Variants in ZNF548 observed in about 807,000 individuals in gnomAD.
The protein encoded by ZNF548 is zinc finger protein 548.
A neutral mutation model predicts 10.2 loss-of-function variants in ZNF548; 10 were observed. That is an observed-to-expected ratio of 0.98 (90% CI 0.60 to 1.66). ZNF548 has a LOEUF of 1.66. Ranked by LOEUF, ZNF548 falls within the 40% of genes most tolerant of loss-of-function variation. ZNF548 has a pLI of 0.00. For synonymous variants in ZNF548, 217 were observed against 223.5 expected, an observed-to-expected ratio of 0.97 and a Z score of 0.26; for missense variants, 599 against 657.0, an observed-to-expected ratio of 0.91 and a Z score of 0.97.
chr19:57,393,698 A>AGGG (rs1342044953), intron 1 of ZNF548, among the ~76,000 whole-genome samples: 1 of 19,506 alleles, frequency 5.1e-5, no homozygotes. Context: ...AGGGGAGGGC[A>AGGG]GAGGAGGGGA....
rs2088611002 is a variant in ZNF548, at chr19:57,390,018, C to A, written c.-82C>A. The A allele has an allele frequency of 2.0e-6, 3 of 1,532,266 alleles. No homozygotes were observed. The highest frequency in any genetic ancestry group is 1.8e-5 in the Admixed American group (1 of 55,254). The allele number at this position is 1,532,266 out of a possible 1,614,324, so 94.9% of individuals were successfully genotyped here. ...AGGCGGGAGTGAGTCAACTGACAAG[C>A]GCTGGGGACAGTGGCGTCCTTGTCT... On this transcript the variant is annotated 5_prime_UTR_variant, in exon 1 of 4. Coordinates refer to ENST00000336128, the MANE Select transcript of ZNF548 (RefSeq NM_001172773.2).
At chr19:57,392,398 C>T (rs560388203) in intron 1 of ZNF548, among the ~76,000 whole-genome samples, 9 of 152,188 alleles carry the variant, frequency 5.9e-5, no homozygotes, top group African/African-American at 2.2e-4. Flanking sequence ...CTGAGTTTTC[C>T]TTTAGTATTC....
chr19:57,390,244 C>A, intron 1 of ZNF548, 130 bp downstream of exon 1: 1 of 1,043,708 alleles, frequency 9.6e-7, no homozygotes, highest in Non-Finnish European at 1.4e-6. Context: ...CCCGTATCAG[C>A]CGATTTGATG....
At chr19:57,398,274 C>G in intron 3 of ZNF548, 156 bp from the exon 4 acceptor site, 1 of 1,435,690 alleles carries the variant, frequency 7.0e-7, no homozygotes, top group East Asian at 2.3e-5. Flanking sequence ...CCAGGCCCAG[C>G]CCTGCATAGT....
chr19:57,396,394 G>A (rs1001090888), intron 2 of ZNF548, among the ~76,000 whole-genome samples: 3 of 152,198 alleles, frequency 2.0e-5, no homozygotes, highest in African/African-American at 7.2e-5. Context: ...GGTGGCCAAT[G>A]TCAATATGGA....
intron 2 of ZNF548, among the ~76,000 whole-genome samples, chr19:57,396,114 G>A (rs1482914507): frequency 6.6e-6 from 1 of 152,208 alleles, no homozygotes; most frequent in Non-Finnish European, 1.5e-5. Flanking sequence ...GGAGTTGTCT[G>A]TGGAATTGAC....
At chr19:57,394,918 G>A (rs951507015) in intron 2 of ZNF548, among the ~76,000 whole-genome samples, 2 of 152,132 alleles carry the variant, frequency 1.3e-5, no homozygotes, top group African/African-American at 4.8e-5. Flanking sequence ...TGCTCCATCA[G>A]CTAAGATGGG....
rs2123041132 is a variant in ZNF548, at chr19:57,395,177, A to G, written c.51+954A>G. Among the ~76,000 whole-genome samples the G allele has an allele frequency of 6.6e-6, 1 of 152,056 alleles. No individual in the cohort carries two copies. Among genetic ancestry groups the G allele is most frequent in the South Asian group, 2.1e-4 (1 of 4,822 alleles). On this transcript the variant is annotated intron_variant, in intron 2 of 3. Transcript: ENST00000336128. This position sits in a 1 kb window ranked among gnomAD's most constrained non-coding sequence, Gnocchi z 4.8. ...ATGAGAACTGGGTCTCTTACTGGGT[A>G]GCTGTGCAGTGGTGGAGGAGTCACT...
intron 1 of ZNF548, 26 bp downstream of exon 1, chr19:57,390,140 C>A (rs764833799): frequency 6.2e-7 from 1 of 1,605,670 alleles, no homozygotes; most frequent in Non-Finnish European, 8.5e-7. Flanking sequence ...CAGGCTCCCC[C>A]GCCCGACCGG....
chr19:57,393,534 C>T (rs576799463), intron 1 of ZNF548, among the ~76,000 whole-genome samples: 1 of 151,758 alleles, frequency 6.6e-6, no homozygotes, highest in East Asian at 2.0e-4. Flanking sequence ...GTGGCGCATG[C>T]CTGTAATCCC....
chr19:57,398,465 T>C lies in ZNF548; in HGVS notation c.214T>C (p.Ser72Pro). 1 of 1,614,076 alleles carries C rather than the reference T, an allele frequency of 6.2e-7. No individual in the cohort carries two copies. The highest frequency in any genetic ancestry group is 8.5e-7 in the Non-Finnish European group (1 of 1,179,930). The change falls in exon 4 of 4, where the codon TCA (serine) becomes CCA (proline). Residue 72 changes from serine (S) to proline (P), a missense_variant. Coordinates refer to ENST00000336128, the MANE Select transcript of ZNF548 (RefSeq NM_001172773.2). ...WHGAEDEEAPSQQGFSVGVSE... is the reference protein window; with the variant it reads ...WHGAEDEEAPPQQGFSVGVSE... ...TGGAGCTGAGGATGAGGAGGCACCT[T>C]CACAGCAAGGTTTTTCTGTAGGAGT...
intron 1 of ZNF548, among the ~76,000 whole-genome samples, chr19:57,391,636 G>C (rs2123036707): frequency 6.6e-6 from 1 of 151,896 alleles, no homozygotes. Context: ...GTTGTTTTTT[G>C]ACATTTAAAT....
At position 57,399,177 on chromosome 19, in the gene ZNF548, T is replaced by G. The variant is rs2088692366; in HGVS notation, c.926T>G (p.Val309Gly). The G allele has an allele frequency of 6.2e-7, 1 of 1,614,010 alleles. No homozygotes were observed. The highest frequency in any genetic ancestry group is 1.3e-5 in the African/African-American group (1 of 74,890). ...GKFFRYSSTF[V>G]RHQRVHTGER... ...TTCTTTCGGTACAGCTCCACATTTG[T>G]TAGACATCAGAGAGTTCACACCGGA... Residue 309 changes from valine (V) to glycine (G), a missense_variant, in exon 4 of 4, where the codon GTT becomes GGT. By Grantham distance (109) the Val-to-Gly change is moderately radical. Coordinates refer to ENST00000336128, the MANE Select transcript of ZNF548 (RefSeq NM_001172773.2). This position sits in a 1 kb window ranked among gnomAD's most constrained non-coding sequence, Gnocchi z 4.0.
chr19:57,391,341 A>G (rs1367162913), intron 1 of ZNF548, among the ~76,000 whole-genome samples: 3 of 148,620 alleles, frequency 2.0e-5, no homozygotes, highest in African/African-American at 7.5e-5. Flanking sequence ...TTGTGTATAT[A>G]TATGCCACAT....
At chr19:57,392,822 CA>C (rs1408507199) in intron 1 of ZNF548, 20 of 985,334 alleles carry the variant, frequency 2.0e-5, no homozygotes, top group Non-Finnish European at 2.3e-5. Flanking sequence ...GTTGAGAGAA[CA>C]GGGGGCTGAG....
At position 57,399,008 on chromosome 19, in the gene ZNF548, A is replaced by T; in HGVS notation, c.757A>T (p.Met253Leu). The part of the protein sequence containing the change: ...GKFFKYSANF[M>L]KHQTVHTSER... ...ATTCTTTAAGTACAGTGCCAATTTC[A>T]TGAAACATCAGACAGTTCACACTAG... is the stretch of plus-strand genomic sequence containing the variant. The change falls in exon 4 of 4, where the codon ATG becomes TTG. Residue 253 changes from methionine (M) to leucine (L), a missense_variant. Transcript: ENST00000336128. The surrounding 1 kb of genome is among the most constrained non-coding windows in gnomAD (Gnocchi z 4.0). 1 of 1,614,162 alleles carries T rather than the reference A, an allele frequency of 6.2e-7. No homozygotes were observed. Among genetic ancestry groups the T allele is most frequent in the Non-Finnish European group, 8.5e-7 (1 of 1,179,962 alleles).
At chr19:57,397,312 G>A in intron 3 of ZNF548, 138 bp downstream of exon 3, 2 of 1,272,198 alleles carry the variant, frequency 1.6e-6, no homozygotes, top group Non-Finnish European at 2.1e-6. Flanking sequence ...TGCTGTGGGA[G>A]GCAGGGCTGG....
chr19:57,398,733 C>G lies in ZNF548; in HGVS notation c.482C>G (p.Ala161Gly), dbSNP rs1279822398. 1 of 1,613,940 alleles carries G rather than the reference C, an allele frequency of 6.2e-7. No homozygotes were observed. Among genetic ancestry groups the G allele is most frequent in the African/African-American group, 1.3e-5 (1 of 74,914 alleles). The stretch of plus-strand genomic sequence containing the variant: ...GGGAAGAACCACAGAGTTCACATGG[C>G]AGAGGAGATCTTCACATGCATGGAG... ...SFGKNHRVHM[A>G]EEIFTCMEGW... Residue 161 changes from alanine to glycine, a missense_variant, in exon 4 of 4, where the codon GCA becomes GGA. Coordinates refer to ENST00000336128, the MANE Select transcript of ZNF548 (RefSeq NM_001172773.2).
chr19:57,397,718 C>T (rs1368654907), intron 3 of ZNF548, among the ~76,000 whole-genome samples: 1 of 152,118 alleles, frequency 6.6e-6, no homozygotes, highest in African/African-American at 2.4e-5. Flanking sequence ...GCCCCAGGCA[C>T]CTGAGAGGGT....
Sources: allele counts gnomAD v4.1 joint callset (sites outside exome capture counted in the v4.1 genomes callset), GRCh38; gene constraint gnomAD v4.1.1; non-coding constraint Gnocchi (gnomAD v3.1); transcripts MANE v1.5; gene names NCBI Gene and HGNC (gene_info 2026-07-23, HGNC 2026-07-21).